Variants in FAN1 observed in about 807,000 individuals in gnomAD.
The protein encoded by FAN1 is fanconi-associated nuclease 1.
A neutral mutation model predicts 104.9 loss-of-function variants in FAN1; 91 were observed. That is an observed-to-expected ratio of 0.87 (90% CI 0.73 to 1.03). FAN1 has a LOEUF of 1.03. FAN1 is among the 50% of genes least tolerant of loss of function. FAN1 has a pLI of 0.00. For synonymous variants in FAN1, 478 were observed against 457.6 expected (o/e 1.04, Z -0.57); for missense variants, 1,263 against 1,239.9 (o/e 1.02, Z -0.28).
intron 13 of FAN1, among the ~76,000 whole-genome samples, chr15:30,935,347 C>G (rs150216665): frequency 9.0e-4 from 137 of 152,130 alleles, no homozygotes; most frequent in Non-Finnish European, 1.7e-3. Flanking sequence ...ATTTCCATGT[C>G]TAGAAGTTCT....
chr15:30,910,958 A>G (rs2062087766), intron 4 of FAN1, 143 bp downstream of exon 4: 1 of 1,370,542 alleles, frequency 7.3e-7, no homozygotes, highest in Admixed American at 3.3e-5. Flanking sequence ...CCTTAATTGC[A>G]ATAGCCTGGA....
intron 13 of FAN1, among the ~76,000 whole-genome samples, chr15:30,935,084 T>TTGCTTGGGCTCAGGAGTTGGAGACC (rs2140966621): frequency 6.6e-6 from 1 of 152,170 alleles, no homozygotes; most frequent in African/African-American, 2.4e-5. Context: ...GGTGGGCGGA[T>TTGCTTGGGCTCAGGAGTTGGAGACC]TGCTTGGGCT....
intron 2 of FAN1, among the ~76,000 whole-genome samples, chr15:30,906,205 CAATAT>C (rs1364352506): frequency 6.6e-6 from 1 of 152,156 alleles, no homozygotes; most frequent in Non-Finnish European, 1.5e-5. Flanking sequence ...GATTAAAAAA[CAATAT>C]AATGTGACTT....
In FAN1 at chr15:30,905,284, G is replaced by A; in HGVS notation, c.621G>A (p.Glu207=). 1.2e-6 allele frequency: 2 copies of A among 1,614,010 alleles called. No individual in the cohort carries two copies. Among genetic ancestry groups the A allele is most frequent in the Non-Finnish European group, 1.7e-6 (2 of 1,180,010 alleles). ...TTGAGGACGAGGATCAAATTTTGGA[G>A]AACAGTTCTCAAAAAGAAAACGTGT... The part of the protein sequence containing the change: ...SEIEDEDQIL[E]NSSQKENVFK... The change falls in exon 2 of 15, where the codon GAG becomes GAA. Residue 207 remains glutamate, a synonymous_variant. Coordinates refer to ENST00000362065, the MANE Select transcript of FAN1 (RefSeq NM_014967.5).
intron 14 of FAN1, chr15:30,940,494 T>A: frequency 1.0e-6 from 1 of 985,458 alleles, no homozygotes; most frequent in Non-Finnish European, 1.2e-6. Flanking sequence ...CCTCATTAGT[T>A]ATTTCCAGGG....
chr15:30,928,750 C>G (rs1272405629), intron 11 of FAN1, 94 bp downstream of exon 11: 2 of 1,586,416 alleles, frequency 1.3e-6, no homozygotes. Context: ...CCAGCAGAAA[C>G]CATCTCTGTT....
At chr15:30,924,538 T>G (rs1225493603) in intron 8 of FAN1, among the ~76,000 whole-genome samples, 2 of 152,212 alleles carry the variant, frequency 1.3e-5, no homozygotes, top group Non-Finnish European at 2.9e-5. Flanking sequence ...TGTGAAGTGG[T>G]ATCTCCTTGT....
At chr15:30,929,775 TATATTATATC>T (rs1359421552) in intron 12 of FAN1, among the ~76,000 whole-genome samples, 2 of 20,864 alleles carry the variant, frequency 9.6e-5, no homozygotes, top group Non-Finnish European at 1.4e-4. Context: ...AAATATATAA[TATATTATATC>T]ATATATAATA....
chr15:30,909,803 C>T (rs1000075975), intron 3 of FAN1, among the ~76,000 whole-genome samples: 30 of 152,250 alleles, frequency 2.0e-4, no homozygotes, highest in African/African-American at 7.0e-4. Flanking sequence ...CATAGTTCTC[C>T]TTTCCTTCCC....
chr15:30,913,057 A>G (rs772327292), intron 4 of FAN1, among the ~76,000 whole-genome samples: 1 of 151,742 alleles, frequency 6.6e-6, no homozygotes, highest in Non-Finnish European at 1.5e-5. Context: ...GGGGTCTGCA[A>G]CCCCCAGGCC....
At chr15:30,938,688 A>ATAT (rs2062938239) in intron 14 of FAN1, among the ~76,000 whole-genome samples, 1 of 152,138 alleles carries the variant, frequency 6.6e-6, no homozygotes, top group African/African-American at 2.4e-5. Flanking sequence ...TCTTGGGGGA[A>ATAT]TATTACTCCC....
At chr15:30,926,766 G>A (rs1413036059) in intron 10 of FAN1, 6 of 985,292 alleles carry the variant, frequency 6.1e-6, no homozygotes, top group Non-Finnish European at 6.0e-6. Context: ...AGGCTGGGAC[G>A]TGGGAGCGCT....
intron 13 of FAN1, 120 bp from the exon 14 acceptor site, chr15:30,936,999 C>A (rs976410589): frequency 3.8e-6 from 3 of 786,414 alleles, no homozygotes; most frequent in Non-Finnish European, 6.3e-6. Flanking sequence ...GTTACACTTA[C>A]AAATACAGTG....
chr15:30,917,271 C>A (rs879189591), intron 5 of FAN1, among the ~76,000 whole-genome samples: 1 of 152,036 alleles, frequency 6.6e-6, no homozygotes, highest in Non-Finnish European at 1.5e-5. Flanking sequence ...GTGGGGTGCT[C>A]TTCAGCCGTT....
intron 14 of FAN1, chr15:30,940,350 TG>T (rs1340766338): frequency 1.4e-5 from 14 of 985,322 alleles, no homozygotes; most frequent in Non-Finnish European, 1.6e-5. Flanking sequence ...TGTCCAAAGT[TG>T]GGGGCTGGGG....
intron 6 of FAN1, 134 bp downstream of exon 6, chr15:30,918,429 G>A (rs2062240367): frequency 5.8e-6 from 5 of 864,320 alleles, no homozygotes; most frequent in Non-Finnish European, 9.1e-6. Flanking sequence ...TGAATTTTGT[G>A]CGTGCTTTGC....
chr15:30,935,481 A>C, intron 13 of FAN1, among the ~76,000 whole-genome samples: 1 of 152,150 alleles, frequency 6.6e-6, no homozygotes, highest in Admixed American at 6.5e-5. Flanking sequence ...ACAATAAACA[A>C]ATCAAATAAA....
In FAN1 at chr15:30,922,170, G is replaced by C. The variant is rs1195112414; in HGVS notation, c.2053-65G>C. ...TAGGCTTTACCAATCCTATGGGCTT[G>C]TAAATATCATTGCAGCTGGATTTTT... On this transcript the variant is annotated intron_variant, in intron 7 of 14. Transcript: ENST00000362065. 2.5e-6 allele frequency: 4 copies of C among 1,575,692 alleles called. No homozygotes were observed. In the African/African-American group the frequency reaches 5.5e-5, roughly 22 times the overall value.
Position 30,925,259 on chromosome 15 carries a change from C to T in FAN1, c.2305C>T (p.Leu769Phe), listed in dbSNP as rs1428953042. 6.2e-7 allele frequency: 1 copy of T among 1,614,152 alleles called. No homozygotes were observed. Among genetic ancestry groups the T allele is most frequent in the African/African-American group, 1.3e-5 (1 of 75,040 alleles). The change falls in exon 9 of 15, where the codon CTC becomes TTC. Residue 769 changes from leucine to phenylalanine, a missense_variant. Around this residue, in one of 2 missense-constraint regions of FAN1, gnomAD observed 581 missense variants for 668.8 expected, o/e 0.87. Transcript: ENST00000362065. The part of the protein sequence containing the change: ...CKKFKHLFQQ[L>F]PEMAVQDVKH... ...AAAGTTCAAGCACCTCTTCCAGCAG[C>T]TCCCAGAAATGGCTGTGCAAGATGT... is the stretch of plus-strand genomic sequence containing the variant.
Sources: allele counts gnomAD v4.1 joint callset (sites outside exome capture counted in the v4.1 genomes callset), GRCh38; gene constraint gnomAD v4.1.1; regional missense constraint gnomAD v4.1.1; transcripts MANE v1.5; gene names NCBI Gene and HGNC (gene_info 2026-07-23, HGNC 2026-07-21).